Variants in UTRN observed in about 807,000 individuals in gnomAD.
UTRN encodes dystrophin-related protein 1.
A neutral mutation model predicts 463.9 loss-of-function variants in UTRN; 283 were observed. The ratio of observed to expected loss-of-function variants is 0.61; its 90% CI spans 0.55 to 0.67. The LOEUF (loss-of-function observed/expected upper bound fraction) is 0.67. UTRN is among the 30% of genes least tolerant of loss of function. UTRN has a pLI of 0.00. For missense variants in UTRN, 3,922 were observed against 4,084.3 expected (o/e 0.96, Z 1.08); for synonymous variants, 1,442 against 1,431.5 (o/e 1.01, Z -0.17).
chr6:144,740,641 A>C (rs989044203), intron 54 of UTRN, among the ~76,000 whole-genome samples: 2 of 152,244 alleles, frequency 1.3e-5, no homozygotes, highest in Admixed American at 1.3e-4. Flanking sequence ...TTTTTCACAA[A>C]TTAAAGTTCT....
At chr6:144,658,273 G>A (rs1409911721) in intron 51 of UTRN, among the ~76,000 whole-genome samples, 6 of 152,134 alleles carry the variant, frequency 3.9e-5, no homozygotes, top group Non-Finnish European at 2.9e-5. Flanking sequence ...TATTTTAAAA[G>A]CTTGTTAAAA....
At position 144,701,095 on chromosome 6, in the gene UTRN, C is replaced by T. The variant is rs1167637370; in HGVS notation, c.7809+852C>T. On this transcript the variant is annotated intron_variant, in intron 53 of 74. Coordinates refer to ENST00000367545, the MANE Select transcript of UTRN (RefSeq NM_007124.3). ...CTAATTTTTGTATTTTTACTAGAGACGGGATTTCACCATGTTGGTCAGGCT... is the reference window on the plus strand; with the variant it reads ...CTAATTTTTGTATTTTTACTAGAGATGGGATTTCACCATGTTGGTCAGGCT... 5.3e-5 allele frequency among the ~76,000 whole-genome samples: 8 copies of T among 152,020 alleles called. No individual in the cohort carries two copies. In the East Asian group the frequency reaches 5.8e-4, roughly 11 times the overall value.
chr6:144,518,282 G>A lies in UTRN; in HGVS notation c.5541+1334G>A, dbSNP rs1050278594. ...TGGCTGATCATGTCATTCCTTCATC[G>A]AAGAAACTGTTTAGGAAAATATTGC... is the stretch of plus-strand genomic sequence containing the variant. On this transcript the variant is annotated intron_variant, in intron 39 of 74. Coordinates refer to ENST00000367545, the MANE Select transcript of UTRN (RefSeq NM_007124.3). Among the ~76,000 whole-genome samples, 4 of 151,972 alleles carry A rather than the reference G, an allele frequency of 2.6e-5. No homozygotes were observed. The East Asian group carries it at 5.8e-4, about 22-fold the overall frequency.
chr6:144,459,399 T>A (rs1466797754), intron 21 of UTRN, 45 bp downstream of exon 21: 23 of 1,534,418 alleles, frequency 1.5e-5, no homozygotes, highest in Non-Finnish European at 2.0e-5. Flanking sequence ...TTTGCCTTAA[T>A]GTAAACATGA....
Position 144,490,105 on chromosome 6 carries a change from C to T in UTRN, c.4169C>T (p.Thr1390Ile), listed in dbSNP as rs773759237. 1.7e-5 allele frequency: 27 copies of T among 1,613,428 alleles called. No homozygotes were observed. Among genetic ancestry groups the T allele is most frequent in the Non-Finnish European group, 2.3e-5 (27 of 1,179,774 alleles). ...IQAEISAHEL[T>I]LEELRRNMRS... ...GCAGAGATCTCAGCCCATGAGCTAA[C>T]CCTAGAGGAGTTGAGAAGAAATATG... Residue 1390 changes from threonine (T) to isoleucine (I), a missense_variant, in exon 31 of 75, where the codon ACC (threonine) becomes ATC (isoleucine). Thr to Ile is a moderately conservative substitution (Grantham distance 89). This residue lies in a region of UTRN where 2,349 missense variants were observed against 2,303.8 expected (regional missense o/e 1.02). Coordinates refer to ENST00000367545, the MANE Select transcript of UTRN (RefSeq NM_007124.3).
chr6:144,630,858 C>T (rs1272629480), intron 51 of UTRN, among the ~76,000 whole-genome samples: 1 of 152,122 alleles, frequency 6.6e-6, no homozygotes, highest in Non-Finnish European at 1.5e-5. Flanking sequence ...CCTCATTCAG[C>T]CCTGCTCTTT....
intron 51 of UTRN, among the ~76,000 whole-genome samples, chr6:144,586,832 T>G (rs1250796282): frequency 6.6e-6 from 1 of 152,156 alleles, no homozygotes; most frequent in Non-Finnish European, 1.5e-5. Context: ...AATTGACTCC[T>G]TCGTGACTCA....
intron 2 of UTRN, among the ~76,000 whole-genome samples, chr6:144,349,462 T>G (rs552559340): frequency 6.6e-6 from 1 of 151,852 alleles, no homozygotes; most frequent in Admixed American, 6.6e-5. Flanking sequence ...CCCGGGAGAG[T>G]GTGGTCAGGA....
rs574174656 is a variant in UTRN, at chr6:144,790,840, T to C, written c.8920+1561T>C. ...GGGTTTCTTGTGCTTCTGAAACAAT[T>C]AGGGTTCTCTGAAAGTAACAGTTAT... On this transcript the variant is annotated intron_variant, in intron 62 of 74. Transcript: ENST00000367545. Among the ~76,000 whole-genome samples, 11 of 152,286 alleles carry C rather than the reference T, an allele frequency of 7.2e-5. No homozygotes were observed. The East Asian group carries it at 2.1e-3, about 29-fold the overall frequency.
intron 54 of UTRN, among the ~76,000 whole-genome samples, chr6:144,741,935 T>C (rs1002309861): frequency 6.6e-6 from 1 of 152,150 alleles, no homozygotes; most frequent in African/African-American, 2.4e-5. Flanking sequence ...GCCATGTAGC[T>C]CCCTCCAAAG....
intron 23 of UTRN, 80 bp downstream of exon 23, chr6:144,462,946 T>G: frequency 8.9e-7 from 1 of 1,127,054 alleles, no homozygotes; most frequent in Non-Finnish European, 1.3e-6. Context: ...GTATTTATTA[T>G]TTAAATATTT....
At chr6:144,797,799 T>C (rs1216565330) in intron 63 of UTRN, 25 bp from the exon 64 acceptor site, 1 of 1,608,744 alleles carries the variant, frequency 6.2e-7, no homozygotes, top group Non-Finnish European at 8.5e-7. Flanking sequence ...TTTCTTCACT[T>C]TTAATATATT....
intron 2 of UTRN, among the ~76,000 whole-genome samples, chr6:144,352,188 C>T (rs549820004): frequency 1.3e-5 from 2 of 152,286 alleles, no homozygotes; most frequent in Admixed American, 1.3e-4. Flanking sequence ...AATCTAGCAT[C>T]TGCCAATACT....
At chr6:144,388,445 T>G (rs537127074) in intron 2 of UTRN, among the ~76,000 whole-genome samples, 117 of 152,142 alleles carry the variant, frequency 7.7e-4, no homozygotes, top group Non-Finnish European at 1.5e-3. Context: ...CCAGAGTAGC[T>G]GGGACTACAG....
rs1332704403 is a variant in UTRN, at chr6:144,686,271, AT to A, written c.7652+7697del. ...TTGGTCTATGAAGATGCTTGATATA[AT>A]TTTGATTTTTAAAAATTAATTGAGA... On this transcript the variant is annotated intron_variant, in intron 52 of 74. Coordinates refer to ENST00000367545, the MANE Select transcript of UTRN (RefSeq NM_007124.3). 5.3e-5 allele frequency among the ~76,000 whole-genome samples: 8 copies of A among 152,234 alleles called. No homozygotes were observed. The South Asian group carries it at 1.4e-3, about 28-fold the overall frequency.
At chr6:144,425,096 T>G (rs181955367) in intron 6 of UTRN, among the ~76,000 whole-genome samples, 2 of 152,212 alleles carry the variant, frequency 1.3e-5, no homozygotes, top group Non-Finnish European at 2.9e-5. Context: ...TCATGTCTCT[T>G]TAGTCCTCTT....
intron 23 of UTRN, among the ~76,000 whole-genome samples, chr6:144,473,051 C>T (rs1388491864): frequency 6.6e-6 from 1 of 152,136 alleles, no homozygotes; most frequent in Non-Finnish European, 1.5e-5. Flanking sequence ...CAAGCGTGAG[C>T]CACCGTACCT....
chr6:144,565,118 G>A (rs1454087004), intron 50 of UTRN, among the ~76,000 whole-genome samples: 1 of 152,130 alleles, frequency 6.6e-6, no homozygotes, highest in East Asian at 1.9e-4. Context: ...TTAGATTTGC[G>A]ATATGCCTTG....
At chr6:144,560,259 A>T (rs1436441142) in intron 50 of UTRN, among the ~76,000 whole-genome samples, 1 of 152,108 alleles carries the variant, frequency 6.6e-6, no homozygotes, top group African/African-American at 2.4e-5. Context: ...TTGTCTCTAA[A>T]AACAGTTTCA....
Sources: allele counts gnomAD v4.1 joint callset (sites outside exome capture counted in the v4.1 genomes callset), GRCh38; gene constraint gnomAD v4.1.1; regional missense constraint gnomAD v4.1.1; transcripts MANE v1.5; gene names NCBI Gene and HGNC (gene_info 2026-07-23, HGNC 2026-07-21).